PUM1: variants seen among roughly 807,000 people sequenced by gnomAD.
The protein encoded by PUM1 is pumilio RNA binding family member 1, also known as pumilio homolog 1.
PUM1 carries 13 observed loss-of-function variants against 131.8 expected under a neutral mutation model. The observed-to-expected ratio is 0.10, with a 90% CI of 0.06 to 0.16. The LOEUF is 0.16. Among genes scored for constraint, PUM1 ranks in the 10% least tolerant of loss-of-function variants. PUM1 has a pLI of 1.00. For missense variants in PUM1, 961 were observed against 1,512.4 expected (o/e 0.64, Z 6.05); for synonymous variants, 509 against 556.5 (o/e 0.91, Z 1.20).
rs1570360251 is a variant in PUM1 at position 31,052,318 on chromosome 1, G to A, written c.363+6886C>T. On this transcript the variant is annotated intron_variant, in intron 2 of 21. Transcript: ENST00000426105. ...TGAGCCACCGTGCCCAGCCCAAAAT[G>A]AGTAACATTTTCAAATACATAACTC... 3.3e-5 allele frequency among the ~76,000 whole-genome samples: 5 copies of A among 152,064 alleles called. 1 individual carries two copies. The South Asian group carries it at 1.0e-3, about 32-fold the overall frequency.
chr1:31,056,604 CTTTTCTTTTTTT>C, intron 2 of PUM1, among the ~76,000 whole-genome samples: 2 of 79,708 alleles, frequency 2.5e-5, no homozygotes, highest in African/African-American at 7.9e-5. Flanking sequence ...CCTTCCTTTT[CTTTTCTTTTTTT>C]TTTTTTTTTT....
chr1:31,042,179 C>T (rs1276805927), intron 2 of PUM1, among the ~76,000 whole-genome samples: 1 of 151,736 alleles, frequency 6.6e-6, no homozygotes, highest in Non-Finnish European at 1.5e-5. Context: ...GGTGGTGCAT[C>T]CCTGTAATCC....
rs1429752693 is a variant in PUM1, at chr1:30,965,895, C to CTG, written c.2086+85_2086+86dup. ...CCCACAAGGCTTGGTCCAGATCTGC[C>CTG]TGTGGTTCCATGCATTGCCAGTATT... On this transcript the variant is annotated intron_variant, in intron 13 of 21. Transcript: ENST00000426105. 4.3e-6 allele frequency: 6 copies of CTG among 1,381,532 alleles called. No homozygotes were observed. In the East Asian group the frequency reaches 1.4e-4, roughly 33 times the overall value. The allele number at this position is 1,381,532 out of a possible 1,614,324, so 85.6% of individuals were successfully genotyped here. A position where few individuals can be genotyped will look rare whatever the true frequency, so the allele number is the denominator to read the frequency against.
chr1:30,948,682 T>C (rs1639790379), intron 17 of PUM1, among the ~76,000 whole-genome samples: 1 of 152,038 alleles, frequency 6.6e-6, no homozygotes, highest in African/African-American at 2.4e-5. Context: ...GCTCAGGAGG[T>C]TGAGGCTGCA....
chr1:30,957,102 A>ACG (rs1057461829), intron 14 of PUM1, among the ~76,000 whole-genome samples: 3 of 151,536 alleles, frequency 2.0e-5, no homozygotes, highest in Non-Finnish European at 4.4e-5. Context: ...ACACACACAC[A>ACG]CACACACACA....
chr1:31,063,001 GTCCC>G (rs1235461658), intron 1 of PUM1, among the ~76,000 whole-genome samples: 1 of 152,152 alleles, frequency 6.6e-6, no homozygotes, highest in Non-Finnish European at 1.5e-5. Context: ...CTAGACACTA[GTCCC>G]TGCTCAAGTA....
intron 3 of PUM1, among the ~76,000 whole-genome samples, chr1:31,013,373 A>C (rs989212788): frequency 6.6e-6 from 1 of 152,224 alleles, no homozygotes; most frequent in South Asian, 2.1e-4. Context: ...AAAGGAATAA[A>C]ATATTAGGTA....
chr1:31,038,972 A>ATTTTTTTTT (rs1557599132), intron 2 of PUM1, among the ~76,000 whole-genome samples: 6 of 30,098 alleles, frequency 2.0e-4, no homozygotes, highest in African/African-American at 1.7e-3. Context: ...ATATATATAT[A>ATTTTTTTTT]TATATATATA....
intron 7 of PUM1, 77 bp downstream of exon 7, chr1:30,992,313 T>A: frequency 6.5e-7 from 1 of 1,540,418 alleles, no homozygotes; most frequent in Non-Finnish European, 8.8e-7. Flanking sequence ...ACCTCCCCCA[T>A]CCCCCCATTC....
At chr1:31,061,275 A>G (rs998322657) in intron 1 of PUM1, among the ~76,000 whole-genome samples, 8 of 152,184 alleles carry the variant, frequency 5.3e-5, no homozygotes, top group Non-Finnish European at 8.8e-5. Flanking sequence ...CCTAGGCAAC[A>G]CAGTGAGACC....
At chr1:30,945,559 C>T in intron 17 of PUM1, 76 bp from the exon 18 acceptor site, 1 of 1,476,106 alleles carries the variant, frequency 6.8e-7, no homozygotes, top group Non-Finnish European at 9.4e-7. Flanking sequence ...TTTCACCAAA[C>T]ATGAAAGCAC....
At chr1:31,064,184 A>G (rs943400433) in intron 1 of PUM1, among the ~76,000 whole-genome samples, 3 of 152,182 alleles carry the variant, frequency 2.0e-5, no homozygotes, top group Non-Finnish European at 4.4e-5. Context: ...TAGTGGTTTA[A>G]AAGGTGTTTA....
chr1:30,950,669 C>T (rs994515944), intron 16 of PUM1, among the ~76,000 whole-genome samples: 13 of 152,206 alleles, frequency 8.5e-5, no homozygotes, highest in Non-Finnish European at 1.8e-4. Flanking sequence ...AGACCAGCCT[C>T]GCCAACATGG....
intron 9 of PUM1, among the ~76,000 whole-genome samples, chr1:30,978,412 C>T (rs1397661529): frequency 1.3e-5 from 2 of 152,208 alleles, no homozygotes; most frequent in African/African-American, 2.4e-5. Flanking sequence ...GATCATTCTC[C>T]TACGAAGAGC....
At chr1:30,994,210 T>G (rs1641903816) in intron 6 of PUM1, among the ~76,000 whole-genome samples, 1 of 152,220 alleles carries the variant, frequency 6.6e-6, no homozygotes, top group Non-Finnish European at 1.5e-5. Flanking sequence ...ACATTTTCAT[T>G]TTGACTTTGG....
chr1:30,973,076 G>A (rs757792026), intron 10 of PUM1: 73 of 212,126 alleles, frequency 3.4e-4, no homozygotes, highest in Non-Finnish European at 5.6e-4. Context: ...GCAAAATTCC[G>A]TCTCAAAACA....
intron 12 of PUM1, 28 bp downstream of exon 12, chr1:30,967,139 G>T: frequency 6.2e-7 from 1 of 1,608,894 alleles, no homozygotes; most frequent in Non-Finnish European, 8.5e-7. Flanking sequence ...TAGATCTCTG[G>T]CAGGAGTCCA....
chr1:31,065,331 T>C (rs1005312256), intron 1 of PUM1, among the ~76,000 whole-genome samples: 2 of 151,868 alleles, frequency 1.3e-5, no homozygotes, highest in Non-Finnish European at 1.5e-5. Context: ...CAGGCAAAAA[T>C]GTAGAGGCAC....
intron 14 of PUM1, among the ~76,000 whole-genome samples, chr1:30,955,259 T>A (rs1415107865): frequency 7.2e-6 from 1 of 139,754 alleles, no homozygotes; most frequent in Non-Finnish European, 1.5e-5. Context: ...ATCAAGACCA[T>A]CCTGGCTAAC....
Sources: allele counts gnomAD v4.1 joint callset (sites outside exome capture counted in the v4.1 genomes callset), GRCh38; gene constraint gnomAD v4.1.1; transcripts MANE v1.5; gene names NCBI Gene and HGNC (gene_info 2026-07-23, HGNC 2026-07-21).